DLK2: variants seen among roughly 807,000 people sequenced by gnomAD.
DLK2 encodes delta like non-canonical Notch ligand 2, also known as protein delta homolog 2.
DLK2 carries 9 observed loss-of-function variants against 31.3 expected under a neutral mutation model. The ratio of observed to expected loss-of-function variants is 0.29; its 90% CI spans 0.17 to 0.50. The LOEUF (loss-of-function observed/expected upper bound fraction) is 0.50. DLK2 is among the 20% of genes least tolerant of loss of function. DLK2 has a pLI of 0.98. For missense variants in DLK2, 387 were observed against 526.1 expected (o/e 0.74, Z 2.59); for synonymous variants, 169 against 201.2 (o/e 0.84, Z 1.35).
At chr6:43,452,795 A>G (rs879511164) in intron 4 of DLK2, among the ~76,000 whole-genome samples, 5 of 152,224 alleles carry the variant, frequency 3.3e-5, no homozygotes, top group Middle Eastern at 6.3e-3. Context: ...TAAAATGAGT[A>G]CAATTTTTAG....
At chr6:43,452,459 T>A (rs1333316421) in intron 4 of DLK2, among the ~76,000 whole-genome samples, 3 of 152,248 alleles carry the variant, frequency 2.0e-5, no homozygotes, top group Non-Finnish European at 4.4e-5. Flanking sequence ...CTCATGCCTA[T>A]AATTCCAGCA....
At chr6:43,452,916 A>G in intron 4 of DLK2, 89 bp downstream of exon 4, 10 of 1,547,696 alleles carry the variant, frequency 6.5e-6, no homozygotes, top group Non-Finnish European at 8.7e-6. Context: ...GGGTTTGACA[A>G]GGACAAAATA....
chr6:43,454,733 C>A lies in DLK2; in HGVS notation c.76+17G>T, dbSNP rs1175447227. On this transcript the variant is annotated intron_variant, in intron 2 of 5. Coordinates refer to ENST00000372488, the MANE Select transcript of DLK2 (RefSeq NM_023932.4). ...GGCTGGACAGGGCCGCGACTGGAGCCCAGCGGGCGCGCTCACCTCGGACAG... is the reference window on the plus strand; with the variant it reads ...GGCTGGACAGGGCCGCGACTGGAGCACAGCGGGCGCGCTCACCTCGGACAG... 2.6e-6 allele frequency: 4 copies of A among 1,543,764 alleles called. No homozygotes were observed. Among genetic ancestry groups the A allele is most frequent in the South Asian group, 2.4e-5 (2 of 84,042 alleles).
intron 1 of DLK2, 37 bp from the exon 2 acceptor site, chr6:43,454,917 GGA>G (rs1783915352): frequency 1.3e-6 from 2 of 1,516,882 alleles, no homozygotes; most frequent in Admixed American, 4.1e-5. Flanking sequence ...GGCCGGACGC[GGA>G]GATAGCGGCA....
In DLK2 at chr6:43,454,822, G is replaced by A; in HGVS notation, c.4C>T (p.Pro2Ser). ...AGATGCAGGCAGCGGCAGCCGCTGG[G>A]CATGGTCAGCGCCGGCCCCAGGAGG... The part of the protein sequence containing the change: M[P>S]SGCRCLHLVC... The change falls in exon 2 of 6, where the codon CCC becomes TCC. Residue 2 changes from proline to serine, a missense_variant. By Grantham distance (74) the Pro-to-Ser change is moderately conservative. Coordinates refer to ENST00000372488, the MANE Select transcript of DLK2 (RefSeq NM_023932.4). The A allele has an allele frequency of 6.5e-7, 1 of 1,548,528 alleles. No individual in the cohort carries two copies. Among genetic ancestry groups the A allele is most frequent in the Non-Finnish European group, 8.7e-7 (1 of 1,153,210 alleles).
Position 43,455,501 on chromosome 6 carries a change from G to A in DLK2, c.-162C>T, listed in dbSNP as rs1351953153. 3 of 151,062 alleles carry A rather than the reference G, an allele frequency of 2.0e-5. No individual in the cohort carries two copies. The highest frequency in any genetic ancestry group is 4.4e-5 in the Non-Finnish European group (3 of 67,618). The allele number at this position is 151,062 out of a possible 1,614,324, so 9.4% of individuals were successfully genotyped here. ...CGGGGCCGCCCCTAGCTGGCCGCGGGGCCGGGCGCCGAAGCGGCTGCCATG... is the reference window on the plus strand; with the variant it reads ...CGGGGCCGCCCCTAGCTGGCCGCGGAGCCGGGCGCCGAAGCGGCTGCCATG... On this transcript the variant is annotated 5_prime_UTR_variant, in exon 1 of 6. Transcript: ENST00000372488.
In DLK2 at chr6:43,451,925, G is replaced by A. The variant is rs899569499; in HGVS notation, c.416+15C>T. 1.9e-6 allele frequency: 3 copies of A among 1,613,440 alleles called. No individual in the cohort carries two copies. In the African/African-American group the frequency reaches 4.0e-5, roughly 22 times the overall value. Reference sequence around the variant, plus strand: ...TGGTCTAACCTTCCACTCACCCTGAGGGCCCAGCACTCACCCTGCCTGTTC... The same window carrying A: ...TGGTCTAACCTTCCACTCACCCTGAAGGCCCAGCACTCACCCTGCCTGTTC... On this transcript the variant is annotated intron_variant, in intron 5 of 5. Transcript: ENST00000372488. The surrounding 1 kb of genome is among the most constrained non-coding windows in gnomAD (Gnocchi z 4.4).
At position 43,451,852 on chromosome 6, in the gene DLK2, C is replaced by G. The variant is rs1783762159; in HGVS notation, c.416+88G>C. ...CCGTGTGGGTCTGACTCTCAGTCCC[C>G]CACCCTCCCAACAGTCCTGCCTCTT... On this transcript the variant is annotated intron_variant, in intron 5 of 5. Coordinates refer to ENST00000372488, the MANE Select transcript of DLK2 (RefSeq NM_023932.4). This position sits in a 1 kb window ranked among gnomAD's most constrained non-coding sequence, Gnocchi z 4.4. 3 of 1,535,906 alleles carry G rather than the reference C, an allele frequency of 2.0e-6. No individual in the cohort carries two copies. Among genetic ancestry groups the G allele is most frequent in the Non-Finnish European group, 2.6e-6 (3 of 1,141,206 alleles).
rs1158393242 is a variant in DLK2, at chr6:43,453,146, G to A, written c.141-11C>T. Reference sequence around the variant, plus strand: ...CAGCCCGGGTCACACCTGACGGGGAGAAGCACAGGGTCAGGGCTCTGGGTC... The same window carrying A: ...CAGCCCGGGTCACACCTGACGGGGAAAAGCACAGGGTCAGGGCTCTGGGTC... On this transcript the variant is annotated splice_polypyrimidine_tract_variant and intron_variant, in intron 3 of 5. Coordinates refer to ENST00000372488, the MANE Select transcript of DLK2 (RefSeq NM_023932.4). The surrounding 1 kb of genome is among the most constrained non-coding windows in gnomAD (Gnocchi z 4.1). 1 of 1,592,770 alleles carries A rather than the reference G, an allele frequency of 6.3e-7. No homozygotes were observed. Among genetic ancestry groups the A allele is most frequent in the South Asian group, 1.1e-5 (1 of 90,002 alleles).
chr6:43,453,446 C>T lies in DLK2; in HGVS notation c.141-311G>A, dbSNP rs1161000631. 6.6e-6 allele frequency among the ~76,000 whole-genome samples: 1 copy of T among 152,178 alleles called. No homozygotes were observed. Among genetic ancestry groups the T allele is most frequent in the African/African-American group, 2.4e-5 (1 of 41,450 alleles). On this transcript the variant is annotated intron_variant, in intron 3 of 5. Coordinates refer to ENST00000372488, the MANE Select transcript of DLK2 (RefSeq NM_023932.4). This position sits in a 1 kb window ranked among gnomAD's most constrained non-coding sequence, Gnocchi z 4.1. The stretch of plus-strand genomic sequence containing the variant: ...AGATGTCTGTAAATGCCTCCAGTAC[C>T]CCTCCTGGCATGTCTGAGGTGCTCA...
Position 43,450,484 on chromosome 6 carries a change from T to C in DLK2, c.*55A>G. On this transcript the variant is annotated 3_prime_UTR_variant, in exon 6 of 6. Transcript: ENST00000372488. This position sits in a 1 kb window ranked among gnomAD's most constrained non-coding sequence, Gnocchi z 4.5. ...CTGAAGGGTGGTGAGAACGGACCACTCCAGTCTGAGGGGTGGAAGAGGTGA... is the reference window on the plus strand; with the variant it reads ...CTGAAGGGTGGTGAGAACGGACCACCCCAGTCTGAGGGGTGGAAGAGGTGA... 2 of 1,512,704 alleles carry C rather than the reference T, an allele frequency of 1.3e-6. No homozygotes were observed. The highest frequency in any genetic ancestry group is 1.8e-6 in the Non-Finnish European group (2 of 1,131,920). The allele number at this position is 1,512,704 out of a possible 1,614,324, so 93.7% of individuals were successfully genotyped here.
Position 43,452,071 on chromosome 6 carries a change from A to G in DLK2, c.285T>C (p.Cys95=), listed in dbSNP as rs1307999560. ...CATTCTGGCAGGGGGACTGCGTGGT[A>G]CAGATATGTTCATCTGGAGAGGGGA... The part of the protein sequence containing the change: ...GKFCDKDEHI[C]TTQSPCQNGG... The change falls in exon 5 of 6, where the codon TGT becomes TGC. Residue 95 remains cysteine, a synonymous_variant. Transcript: ENST00000372488. 6.2e-7 allele frequency: 1 copy of G among 1,614,120 alleles called. No individual in the cohort carries two copies. The highest frequency in any genetic ancestry group is 2.2e-5 in the East Asian group (1 of 44,894).
chr6:43,455,172 G>C (rs1783927085), intron 1 of DLK2: 67 of 842,178 alleles, frequency 8.0e-5, no homozygotes, highest in Non-Finnish European at 9.0e-5. Context: ...GGGTCCGCGG[G>C]ATGGGGACAG....
intron 3 of DLK2, 31 bp downstream of exon 3, chr6:43,454,380 G>C: frequency 1.9e-6 from 3 of 1,592,662 alleles, no homozygotes; most frequent in Non-Finnish European, 2.6e-6. Context: ...GGGTACCAAA[G>C]GGTTTGGGGG....
intron 3 of DLK2, 151 bp downstream of exon 3, chr6:43,454,260 T>C: frequency 5.1e-6 from 3 of 588,526 alleles, no homozygotes; most frequent in Non-Finnish European, 8.7e-6. Context: ...GCAAGAGAGG[T>C]GAGGTAAAGG....
rs749368161 is a variant in DLK2 at position 43,454,415 on chromosome 6, A to G, written c.136T>C (p.Cys46Arg). The change falls in exon 3 of 6, where the codon TGC (cysteine) becomes CGC (arginine). Residue 46 changes from cysteine to arginine, a missense_variant. Cys to Arg is a radical substitution (Grantham distance 180). Coordinates refer to ENST00000372488, the MANE Select transcript of DLK2 (RefSeq NM_023932.4). ...GCACGTGCTCAGGACAGGTACCTGC[A>G]GGAGCCGTCAGGTGCACAGCAGCCG... ...AHGCCAPDGS[C>R]RCDPGWEGLH... 2.5e-6 allele frequency: 4 copies of G among 1,603,304 alleles called. No individual in the cohort carries two copies. Among genetic ancestry groups the G allele is most frequent in the African/African-American group, 1.3e-5 (1 of 74,840 alleles).
At position 43,452,026 on chromosome 6, in the gene DLK2, G is replaced by C. The variant is rs373026615; in HGVS notation, c.330C>G (p.Asp110Glu). ...PCQNGGQCMY[D>E]GGGEYHCVCL... ...ACACACAATGGTACTCACCGCCCCC[G>C]TCATACATGCACTGGCCTCCATTCT... The change falls in exon 5 of 6, where the codon GAC becomes GAG. Residue 110 changes from aspartate (D) to glutamate (E), a missense_variant. By Grantham distance (45) the Asp-to-Glu change is conservative. Transcript: ENST00000372488. 6.2e-7 allele frequency: 1 copy of C among 1,614,202 alleles called. No homozygotes were observed. The highest frequency in any genetic ancestry group is 1.1e-5 in the South Asian group (1 of 91,080).
At chr6:43,452,168 G>C (rs776517816) in intron 4 of DLK2, 84 bp from the exon 5 acceptor site, 144 of 1,572,300 alleles carry the variant, frequency 9.2e-5, no homozygotes, top group Middle Eastern at 1.8e-4. Context: ...CCAGGCCCCA[G>C]GTTCTGTAGG....
At chr6:43,455,037 G>A in intron 1 of DLK2, 157 bp from the exon 2 acceptor site, 3 of 985,126 alleles carry the variant, frequency 3.0e-6, no homozygotes, top group South Asian at 4.7e-5. Context: ...TTGAGCAGGC[G>A]AAGAGAGCGA....
Sources: gnomAD v4.1 joint callset for allele counts (sites outside exome capture counted in the v4.1 genomes callset) on GRCh38, gnomAD v4.1.1 for gene constraint, Gnocchi (gnomAD v3.1) non-coding constraint, MANE v1.5 for transcripts, NCBI Gene and HGNC (gene_info 2026-07-23, HGNC 2026-07-21) for gene names.